POMZP3: variants seen among roughly 807,000 people sequenced by gnomAD.
POMZP3 encodes POM121 and ZP3 fusion, also known as POM121 and ZP3 fusion protein.
POMZP3 carries 10 observed loss-of-function variants against 19.8 expected under a neutral mutation model. The observed-to-expected ratio is 0.51, with a 90% CI of 0.31 to 0.86. The LOEUF (loss-of-function observed/expected upper bound fraction) is 0.86. POMZP3 is among the 40% of genes least tolerant of loss of function. POMZP3 has a pLI of 0.04. For synonymous variants in POMZP3, 57 were observed against 85.8 expected, an observed-to-expected ratio of 0.66 and a Z score of 1.85; for missense variants, 152 against 228.1, an observed-to-expected ratio of 0.67 and a Z score of 2.15.
intron 3 of POMZP3, among the ~76,000 whole-genome samples, chr7:76,620,861 A>ATTT (rs56084078): frequency 5.9e-4 from 45 of 76,196 alleles, no homozygotes; most frequent in Admixed American, 1.1e-3. Context: ...CTGTAAAGCC[A>ATTT]TTTTTTTTTT....
chr7:76,621,995 C>T (rs1351427770), intron 3 of POMZP3, among the ~76,000 whole-genome samples: 1 of 134,482 alleles, frequency 7.4e-6, no homozygotes, highest in Non-Finnish European at 1.6e-5. Flanking sequence ...AGTGAAGAAG[C>T]CGGTTAAAAC....
At chr7:76,624,739 C>T (rs1420234628) in intron 3 of POMZP3, among the ~76,000 whole-genome samples, 4 of 150,884 alleles carry the variant, frequency 2.7e-5, no homozygotes, top group African/African-American at 9.7e-5. Context: ...AGCCACCTTG[C>T]CCTTCCAGGA....
intron 3 of POMZP3, chr7:76,621,427 T>A (rs942695957): frequency 6.7e-6 from 1 of 148,524 alleles, no homozygotes; most frequent in Non-Finnish European, 1.5e-5. Context: ...CACTAAGAAA[T>A]GCCACCTGGA....
At chr7:76,620,888 A>G (rs1402695572) in intron 3 of POMZP3, among the ~76,000 whole-genome samples, 1 of 42,150 alleles carries the variant, frequency 2.4e-5, no homozygotes, top group Non-Finnish European at 4.4e-5. Context: ...TTTTTTTTTG[A>G]GACAGAGTCT....
chr7:76,612,195 C>A (rs1815141734), intron 4 of POMZP3, among the ~76,000 whole-genome samples: 1 of 125,392 alleles, frequency 8.0e-6, no homozygotes, highest in South Asian at 2.8e-4. Context: ...GAGACTGTCT[C>A]ATAAAATAAA....
Position 76,611,764 on chromosome 7 carries a change from T to C in POMZP3, c.395A>G (p.Asp132Gly). The change falls in exon 5 of 7, where the codon GAT (aspartate) becomes GGT (glycine). Residue 132 changes from aspartate (D) to glycine (G), a missense_variant. Asp to Gly is a moderately conservative substitution (Grantham distance 94). Coordinates refer to ENST00000310842, the MANE Select transcript of POMZP3 (RefSeq NM_012230.5). Reference sequence around the variant, plus strand: ...GAAGGAACAGGCCTTGTTGAGTTCATCTGGGTCCTGCTCAGCTAGGGTGAC... The same window carrying C: ...GAAGGAACAGGCCTTGTTGAGTTCACCTGGGTCCTGCTCAGCTAGGGTGAC... ...LKVTLAEQDP[D>G]ELNKACSFSK... The C allele has an allele frequency of 6.4e-7, 1 of 1,572,442 alleles. No homozygotes were observed. Among genetic ancestry groups the C allele is most frequent in the South Asian group, 1.1e-5 (1 of 89,278 alleles).
intron 3 of POMZP3, among the ~76,000 whole-genome samples, chr7:76,624,956 C>A (rs1563806151): frequency 6.6e-6 from 1 of 150,928 alleles, no homozygotes; most frequent in Non-Finnish European, 1.5e-5. Flanking sequence ...CATGGTGAAA[C>A]CCTGTCTCTA....
chr7:76,611,116 T>G (rs1232939124), intron 6 of POMZP3, among the ~76,000 whole-genome samples: 2 of 144,082 alleles, frequency 1.4e-5, no homozygotes, highest in East Asian at 4.0e-4. Flanking sequence ...TCAGGTGACC[T>G]GCCCGCCTTG....
intron 3 of POMZP3, among the ~76,000 whole-genome samples, chr7:76,619,112 C>T (rs1815407078): frequency 1.3e-5 from 2 of 152,080 alleles, no homozygotes; most frequent in South Asian, 2.1e-4. Context: ...TTAGAGAGGG[C>T]TGTCAGCTGG....
In POMZP3 at chr7:76,617,201, C is replaced by T. The variant is rs1344742426; in HGVS notation, c.345+982G>A. ...CAGGATGGTCTCAATCTCCTGACCT[C>T]GTGATCTGCCCGCCTCAGCCTCCCA... On this transcript the variant is annotated intron_variant, in intron 4 of 6. Coordinates refer to ENST00000310842, the MANE Select transcript of POMZP3 (RefSeq NM_012230.5). Among the ~76,000 whole-genome samples, 3 of 85,798 alleles carry T rather than the reference C, an allele frequency of 3.5e-5. 1 individual carries two copies. Among genetic ancestry groups the T allele is most frequent in the African/African-American group, 1.7e-4 (3 of 17,796 alleles). The allele number at this position is 85,798 out of a possible 152,430, so 56.3% of individuals were successfully genotyped here.
Position 76,626,060 on chromosome 7 carries a change from A to C in POMZP3, c.5T>G (p.Val2Gly). MVCSPVTLRIAP... is the reference protein window; with the variant it reads MGCSPVTLRIAP... ...GATCCTCAGAGTCACTGGGCTACACACCATCCTGGAGTTGCGAGGGGACAG... is the reference window on the plus strand; with the variant it reads ...GATCCTCAGAGTCACTGGGCTACACCCCATCCTGGAGTTGCGAGGGGACAG... Residue 2 changes from valine (V) to glycine (G), a missense_variant, in exon 2 of 7, where the codon GTG becomes GGG. Physicochemically the swap from Val to Gly is moderately radical, Grantham distance 109. Transcript: ENST00000310842. 6.2e-7 allele frequency: 1 copy of C among 1,613,798 alleles called. No homozygotes were observed. Among genetic ancestry groups the C allele is most frequent in the South Asian group, 1.1e-5 (1 of 91,074 alleles).
intron 6 of POMZP3, 131 bp from the exon 7 acceptor site, chr7:76,610,346 A>T: frequency 8.1e-7 from 1 of 1,237,068 alleles, no homozygotes; most frequent in Non-Finnish European, 1.2e-6. Flanking sequence ...AACAGTTTCT[A>T]GACAAAAAAA....
At chr7:76,623,205 T>A (rs560305322) in intron 3 of POMZP3, among the ~76,000 whole-genome samples, 2 of 151,596 alleles carry the variant, frequency 1.3e-5, no homozygotes, top group East Asian at 3.9e-4. Flanking sequence ...TTTATTTCAC[T>A]TTTCCCCCTG....
intron 3 of POMZP3, chr7:76,621,293 C>G (rs1815544728): frequency 6.7e-6 from 1 of 150,154 alleles, no homozygotes; most frequent in African/African-American, 2.5e-5. Context: ...AGCAAAACAT[C>G]AGAAAATGTT....
intron 3 of POMZP3, among the ~76,000 whole-genome samples, chr7:76,619,270 C>T (rs1815415660): frequency 6.6e-6 from 1 of 152,156 alleles, no homozygotes; most frequent in Non-Finnish European, 1.5e-5. Context: ...CGCCTGTAAT[C>T]CCAGCTACTG....
chr7:76,615,018 A>AT (rs939642516), intron 4 of POMZP3, among the ~76,000 whole-genome samples: 2 of 122,584 alleles, frequency 1.6e-5, no homozygotes, highest in Admixed American at 1.6e-4. Flanking sequence ...CAGCCACCCT[A>AT]TTGCTCTGAA....
In POMZP3 at chr7:76,626,040, T is replaced by A; in HGVS notation, c.25A>T (p.Arg9Trp). 6.2e-7 allele frequency: 1 copy of A among 1,613,748 alleles called. No homozygotes were observed. The highest frequency in any genetic ancestry group is 8.5e-7 in the Non-Finnish European group (1 of 1,179,700). The change falls in exon 2 of 7, where the codon AGG becomes TGG. Residue 9 changes from arginine (R) to tryptophan (W), a missense_variant. By Grantham distance (101) the Arg-to-Trp change is moderately radical. Around this residue, in one of 4 missense-constraint regions of POMZP3, gnomAD observed 70 missense variants for 64.1 expected, o/e 1.09. Coordinates refer to ENST00000310842, the MANE Select transcript of POMZP3 (RefSeq NM_012230.5). MVCSPVTLRIAPPDRRFSR... is the reference protein window; with the variant it reads MVCSPVTLWIAPPDRRFSR... ...AATCTTCTGTCAGGAGGGGCGATCCTCAGAGTCACTGGGCTACACACCATC... is the reference window on the plus strand; with the variant it reads ...AATCTTCTGTCAGGAGGGGCGATCCACAGAGTCACTGGGCTACACACCATC...
At chr7:76,610,891 T>TGA (rs1412506939) in intron 6 of POMZP3, among the ~76,000 whole-genome samples, 2 of 133,858 alleles carry the variant, frequency 1.5e-5, no homozygotes, top group East Asian at 4.3e-4. Context: ...TTTTTTTTTT[T>TGA]GAGAGACAGT....
chr7:76,623,590 G>A (rs1398067240), intron 3 of POMZP3, among the ~76,000 whole-genome samples: 1 of 147,950 alleles, frequency 6.8e-6, no homozygotes, highest in African/African-American at 2.5e-5. Flanking sequence ...CCTGAGGTCA[G>A]GAGTTTCAGA....
Sources: allele counts gnomAD v4.1 joint callset (sites outside exome capture counted in the v4.1 genomes callset), GRCh38; gene constraint gnomAD v4.1.1; regional missense constraint gnomAD v4.1.1; transcripts MANE v1.5; gene names NCBI Gene and HGNC (gene_info 2026-07-23, HGNC 2026-07-21).